EPM2AIP1: variants seen among roughly 807,000 people sequenced by gnomAD.
The protein encoded by EPM2AIP1 is EPM2A interacting protein 1.
Under a neutral mutation model 44.8 loss-of-function variants are expected in EPM2AIP1, and 23 were observed. The observed-to-expected ratio is 0.51, with a 90% CI of 0.37 to 0.73. EPM2AIP1 has a LOEUF of 0.73. Ranked by LOEUF, EPM2AIP1 falls within the 30% of genes least tolerant of loss-of-function variation. EPM2AIP1 has a pLI of 0.00. For missense variants in EPM2AIP1, 652 were observed against 743.9 expected (o/e 0.88, Z 1.44); for synonymous variants, 311 against 284.3 (o/e 1.09, Z -0.94).
rs3172297 is a variant in EPM2AIP1, at chr3:36,990,879, T to A, written c.*375A>T. ...TTAAGGAGTTGATAATTTAAGACTA[T>A]ATGAATCAGAATTTTAACACTCCAT... On this transcript the variant is annotated 3_prime_UTR_variant, in exon 1 of 1. Transcript: ENST00000322716. The A allele has an allele frequency of 1.8e-5, 18 of 993,976 alleles. No individual in the cohort carries two copies. The African/African-American group carries it at 3.0e-4, about 16-fold the overall frequency. The allele number at this position is 993,976 out of a possible 1,614,324, so 61.6% of individuals were successfully genotyped here.
Position 36,991,325 on chromosome 3 carries a change from G to C in EPM2AIP1, c.1753C>G (p.Arg585Gly), listed in dbSNP as rs750898931. ...LTDEHLQALF[R>G]VATTEMEPGW... ...GGCTCCATTTCAGTTGTGGCAACCC[G>C]AAACAGGGCTTGGAGATGCTCATCT... Residue 585 changes from arginine to glycine, a missense_variant, in exon 1 of 1, where the codon CGG becomes GGG. Transcript: ENST00000322716. 1.2e-6 allele frequency: 2 copies of C among 1,613,812 alleles called. No individual in the cohort carries two copies. Among genetic ancestry groups the C allele is most frequent in the Non-Finnish European group, 1.7e-6 (2 of 1,179,842 alleles).
In EPM2AIP1 at chr3:36,987,657, T is replaced by G. The variant is rs1471440928; in HGVS notation, c.*3597A>C. On this transcript the variant is annotated 3_prime_UTR_variant, in exon 1 of 1. Transcript: ENST00000322716. ...GAGAAAACCACAATTTGTTTAACAG[T>G]CACATAATACATATTTAAGTCACAT... is the stretch of plus-strand genomic sequence containing the variant. 6.6e-6 allele frequency: 1 copy of G among 152,112 alleles called. No individual in the cohort carries two copies. Among genetic ancestry groups the G allele is most frequent in the Non-Finnish European group, 1.5e-5 (1 of 68,004 alleles). The allele number at this position is 152,112 out of a possible 1,614,324, so 9.4% of individuals were successfully genotyped here.
At position 36,990,554 on chromosome 3, in the gene EPM2AIP1, C is replaced by T. The variant is rs1437771341; in HGVS notation, c.*700G>A. Reference sequence around the variant, plus strand: ...AGCCCCCAGTTATTAAAAAAAAAATCCAAGGAAAACCCCCAATAATTAGTC... The same window carrying T: ...AGCCCCCAGTTATTAAAAAAAAAATTCAAGGAAAACCCCCAATAATTAGTC... On this transcript the variant is annotated 3_prime_UTR_variant, in exon 1 of 1. Coordinates refer to ENST00000322716, the MANE Select transcript of EPM2AIP1 (RefSeq NM_014805.4). 6 of 984,876 alleles carry T rather than the reference C, an allele frequency of 6.1e-6. No individual in the cohort carries two copies. Among genetic ancestry groups the T allele is most frequent in the Admixed American group, 6.2e-5 (1 of 16,206 alleles). The allele number at this position is 984,876 out of a possible 1,614,324, so 61.0% of individuals were successfully genotyped here.
At position 36,993,064 on chromosome 3, in the gene EPM2AIP1, G is replaced by A; in HGVS notation, c.14C>T (p.Pro5Leu). The A allele has an allele frequency of 6.2e-7, 1 of 1,605,274 alleles. No homozygotes were observed. The highest frequency in any genetic ancestry group is 1.1e-5 in the South Asian group (1 of 90,768). Residue 5 changes from proline (P) to leucine (L), a missense_variant, in exon 1 of 1, where the codon CCC becomes CTC. Physicochemically the swap from Pro to Leu is moderately conservative, Grantham distance 98. Transcript: ENST00000322716. MWMT[P>L]KRSKMEVDEA... ...GTCGACTTCCATCTTGCTTCTTTTGGGCGTCATCCACATTCTGCGGGAGGC... is the reference window on the plus strand; with the variant it reads ...GTCGACTTCCATCTTGCTTCTTTTGAGCGTCATCCACATTCTGCGGGAGGC...
Position 36,990,381 on chromosome 3 carries a change from A to G in EPM2AIP1, c.*873T>C. The G allele has an allele frequency of 1.0e-6, 1 of 981,554 alleles. No individual in the cohort carries two copies. The highest frequency in any genetic ancestry group is 1.2e-6 in the Non-Finnish European group (1 of 826,414). The allele number at this position is 981,554 out of a possible 1,614,324, so 60.8% of individuals were successfully genotyped here. On this transcript the variant is annotated 3_prime_UTR_variant, in exon 1 of 1. Transcript: ENST00000322716. ...AAAGCTAAAATATCTCACACCTCCTAATCCTGGAGTGCAATCTTTTTTCCT... is the reference window on the plus strand; with the variant it reads ...AAAGCTAAAATATCTCACACCTCCTGATCCTGGAGTGCAATCTTTTTTCCT...
Position 36,990,384 on chromosome 3 carries a change from C to G in EPM2AIP1, c.*870G>C, listed in dbSNP as rs915238742. On this transcript the variant is annotated 3_prime_UTR_variant, in exon 1 of 1. Transcript: ENST00000322716. Reference sequence around the variant, plus strand: ...GCTAAAATATCTCACACCTCCTAATCCTGGAGTGCAATCTTTTTTCCTCAT... The same window carrying G: ...GCTAAAATATCTCACACCTCCTAATGCTGGAGTGCAATCTTTTTTCCTCAT... The G allele has an allele frequency of 3.1e-6, 3 of 982,406 alleles. No individual in the cohort carries two copies. The African/African-American group carries it at 5.3e-5, about 17-fold the overall frequency. The allele number at this position is 982,406 out of a possible 1,614,324, so 60.9% of individuals were successfully genotyped here.
In EPM2AIP1 at chr3:36,987,921, A is replaced by G. The variant is rs1043959757; in HGVS notation, c.*3333T>C. 2.0e-5 allele frequency: 3 copies of G among 152,256 alleles called. No homozygotes were observed. The highest frequency in any genetic ancestry group is 6.5e-5 in the Admixed American group (1 of 15,286). 9.4% of individuals were successfully genotyped at this position (152,256 alleles called of 1,614,324 possible). Reference sequence around the variant, plus strand: ...AGGCATTGTGCTAAGCACTAGAGATATAACAGTGAACAAGGCTTATATGGT... The same window carrying G: ...AGGCATTGTGCTAAGCACTAGAGATGTAACAGTGAACAAGGCTTATATGGT... On this transcript the variant is annotated 3_prime_UTR_variant, in exon 1 of 1. Coordinates refer to ENST00000322716, the MANE Select transcript of EPM2AIP1 (RefSeq NM_014805.4).
Position 36,992,007 on chromosome 3 carries a change from T to G in EPM2AIP1, c.1071A>C (p.Glu357Asp). 1.9e-6 allele frequency: 3 copies of G among 1,613,966 alleles called. No individual in the cohort carries two copies. Among genetic ancestry groups the G allele is most frequent in the Non-Finnish European group, 2.5e-6 (3 of 1,179,886 alleles). ...TLKLIFSLRK[E>D]MEAFLVSVGA... is the part of the protein sequence containing the mutation. ...CTACTGAAACCAAGAACGCTTCCAT[T>G]TCTTTTCTTAGAGAGAATATTAGTT... The change falls in exon 1 of 1, where the codon GAA becomes GAC. Residue 357 changes from glutamate (E) to aspartate (D), a missense_variant. Physicochemically the swap from Glu to Asp is conservative, Grantham distance 45 (BLOSUM62 2). Coordinates refer to ENST00000322716, the MANE Select transcript of EPM2AIP1 (RefSeq NM_014805.4). The surrounding 1 kb of genome is among the most constrained non-coding windows in gnomAD (Gnocchi z 5.3).
Position 36,990,738 on chromosome 3 carries a change from A to G in EPM2AIP1, c.*516T>C. On this transcript the variant is annotated 3_prime_UTR_variant, in exon 1 of 1. Transcript: ENST00000322716. ...TTCGAACTCAGAAATGTTTAAAAAA[A>G]AGTCTCAAACATTTTGATGGTTAGA... is the stretch of plus-strand genomic sequence containing the variant. 1 of 985,686 alleles carries G rather than the reference A, an allele frequency of 1.0e-6. No individual in the cohort carries two copies. The highest frequency in any genetic ancestry group is 1.7e-5 in the African/African-American group (1 of 57,366). The allele number at this position is 985,686 out of a possible 1,614,324, so 61.1% of individuals were successfully genotyped here. A position where few individuals can be genotyped will look rare whatever the true frequency, so the allele number is the denominator to read the frequency against.
rs1229851404 is a variant in EPM2AIP1, at chr3:36,992,606, C to T, written c.472G>A (p.Asp158Asn). Residue 158 changes from aspartate (D) to asparagine (N), a missense_variant, in exon 1 of 1, where the codon GAC becomes AAC. By Grantham distance (23) the Asp-to-Asn change is conservative (BLOSUM62 1). Transcript: ENST00000322716. This position sits in a 1 kb window ranked among gnomAD's most constrained non-coding sequence, Gnocchi z 5.3. ...AAAAGCTGGTTGCGTAGATTCCTGT[C>T]AATGCTCAGGATCCTCTGCCTTGTG... ...DITRQRILSI[D>N]RNLRNQLFNR... 3.7e-6 allele frequency: 6 copies of T among 1,613,930 alleles called. No homozygotes were observed. In the Admixed American group the frequency reaches 1.0e-4, roughly 27 times the overall value.
Position 36,990,957 on chromosome 3 carries a change from G to T in EPM2AIP1, c.*297C>A. On this transcript the variant is annotated 3_prime_UTR_variant, in exon 1 of 1. Coordinates refer to ENST00000322716, the MANE Select transcript of EPM2AIP1 (RefSeq NM_014805.4). ...TTATCTTCAGAACACCTAAAAAACAGACTGCAAATTCAACTCACATTAATA... is the reference window on the plus strand; with the variant it reads ...TTATCTTCAGAACACCTAAAAAACATACTGCAAATTCAACTCACATTAATA... 9.5e-7 allele frequency: 1 copy of T among 1,048,072 alleles called. No homozygotes were observed. 64.9% of individuals were successfully genotyped at this position (1,048,072 alleles called of 1,614,324 possible). A position where few individuals can be genotyped will look rare whatever the true frequency, so the allele number is the denominator to read the frequency against.
chr3:36,993,021 C>T lies in EPM2AIP1; in HGVS notation c.57G>A (p.Arg19=), dbSNP rs1255662640. Residue 19 remains arginine (R), a synonymous_variant, in exon 1 of 1, where the codon CGG becomes CGA. Coordinates refer to ENST00000322716, the MANE Select transcript of EPM2AIP1 (RefSeq NM_014805.4). ...KMEVDEALVF[R]PEWTQRYLVV... is the part of the protein sequence containing the mutation. ...CCAAATAACGCTGGGTCCACTCGGGCCGGAAAACTAGAGCCTCGTCGACTT... is the reference window on the plus strand; with the variant it reads ...CCAAATAACGCTGGGTCCACTCGGGTCGGAAAACTAGAGCCTCGTCGACTT... 1 of 1,612,198 alleles carries T rather than the reference C, an allele frequency of 6.2e-7. No homozygotes were observed. The highest frequency in any genetic ancestry group is 8.5e-7 in the Non-Finnish European group (1 of 1,179,266).
At position 36,992,189 on chromosome 3, in the gene EPM2AIP1, T is replaced by G. The variant is rs2080822509; in HGVS notation, c.889A>C (p.Ile297Leu). 6.2e-7 allele frequency: 1 copy of G among 1,613,940 alleles called. No individual in the cohort carries two copies. The highest frequency in any genetic ancestry group is 2.2e-5 in the East Asian group (1 of 44,902). The change falls in exon 1 of 1, where the codon ATC (isoleucine) becomes CTC (leucine). Residue 297 changes from isoleucine (I) to leucine (L), a missense_variant. Physicochemically the swap from Ile to Leu is conservative, Grantham distance 5. Transcript: ENST00000322716. This position sits in a 1 kb window ranked among gnomAD's most constrained non-coding sequence, Gnocchi z 5.3. Reference sequence around the variant, plus strand: ...ATCCATTCGGATATGGTATTTATGATCTGATTAACATCTACATCATAGGAG... The same window carrying G: ...ATCCATTCGGATATGGTATTTATGAGCTGATTAACATCTACATCATAGGAG... ...LSSYDVDVNQIINTISEWIVL... is the reference protein window; with the variant it reads ...LSSYDVDVNQLINTISEWIVL...
In EPM2AIP1 at chr3:36,985,624, G is replaced by A. The variant is rs1030260482; in HGVS notation, c.*5630C>T. ...ATGAAAGTCCTTTAAGAGTCCTTAA[G>A]TGATTTGCCATACTCTTTTTTCATT... On this transcript the variant is annotated 3_prime_UTR_variant, in exon 1 of 1. Transcript: ENST00000322716. The A allele has an allele frequency of 2.6e-5, 4 of 152,202 alleles. No individual in the cohort carries two copies. Among genetic ancestry groups the A allele is most frequent in the Non-Finnish European group, 5.9e-5 (4 of 68,040 alleles). 9.4% of individuals were successfully genotyped at this position (152,202 alleles called of 1,614,324 possible).
chr3:36,990,568 CAATA>C lies in EPM2AIP1; in HGVS notation c.*682_*685del. Reference sequence around the variant, plus strand: ...AAAAAAAAAATCCAAGGAAAACCCCCAATAATTAGTCTTATCTCCAAATTGCATG... The same window carrying C: ...AAAAAAAAAATCCAAGGAAAACCCCCATTAGTCTTATCTCCAAATTGCATG... On this transcript the variant is annotated 3_prime_UTR_variant, in exon 1 of 1. Coordinates refer to ENST00000322716, the MANE Select transcript of EPM2AIP1 (RefSeq NM_014805.4). 1 of 985,406 alleles carries C rather than the reference CAATA, an allele frequency of 1.0e-6. No homozygotes were observed. 61.0% of individuals were successfully genotyped at this position (985,406 alleles called of 1,614,324 possible).
Position 36,985,709 on chromosome 3 carries a change from T to C in EPM2AIP1, c.*5545A>G, listed in dbSNP as rs1471025003. Reference sequence around the variant, plus strand: ...TGCTTTGTCAGCCTGAGACCCAGAATGAAGGCAACTTAGAGCACAAATTGG... The same window carrying C: ...TGCTTTGTCAGCCTGAGACCCAGAACGAAGGCAACTTAGAGCACAAATTGG... On this transcript the variant is annotated 3_prime_UTR_variant, in exon 1 of 1. Transcript: ENST00000322716. 6.6e-6 allele frequency: 1 copy of C among 152,232 alleles called. No homozygotes were observed. The highest frequency in any genetic ancestry group is 1.5e-5 in the Non-Finnish European group (1 of 68,042). The allele number at this position is 152,232 out of a possible 1,614,324, so 9.4% of individuals were successfully genotyped here.
At position 36,992,700 on chromosome 3, in the gene EPM2AIP1, C is replaced by T. The variant is rs1199566822; in HGVS notation, c.378G>A (p.Glu126=). 7 of 1,613,880 alleles carry T rather than the reference C, an allele frequency of 4.3e-6. No homozygotes were observed. Among genetic ancestry groups the T allele is most frequent in the Non-Finnish European group, 4.2e-6 (5 of 1,179,898 alleles). ...CGGGCAGTACCTCTCTCAGCAACAC[C>T]TCCATGCACTGGTATACAAAGTCCC... ...GEGDFVYQCM[E]VLLREVLPEH... Residue 126 remains glutamate, a synonymous_variant, in exon 1 of 1, where the codon GAG becomes GAA. Coordinates refer to ENST00000322716, the MANE Select transcript of EPM2AIP1 (RefSeq NM_014805.4). The surrounding 1 kb of genome is among the most constrained non-coding windows in gnomAD (Gnocchi z 5.3).
In EPM2AIP1 at chr3:36,992,076, A is replaced by G. The variant is rs1043950209; in HGVS notation, c.1002T>C (p.Asn334=). 3 of 1,613,956 alleles carry G rather than the reference A, an allele frequency of 1.9e-6. No homozygotes were observed. In the Admixed American group the frequency reaches 5.0e-5, roughly 27 times the overall value. Residue 334 remains asparagine (N), a synonymous_variant, in exon 1 of 1, where the codon AAT becomes AAC. Transcript: ENST00000322716. The surrounding 1 kb of genome is among the most constrained non-coding windows in gnomAD (Gnocchi z 5.3). The part of the protein sequence containing the change: ...ESESEHGERV[N]GRCLNNWLRR... Reference sequence around the variant, plus strand: ...TAAGCCAATTGTTCAGACATCGTCCATTAACCCTTTCACCATGCTCTGATT... The same window carrying G: ...TAAGCCAATTGTTCAGACATCGTCCGTTAACCCTTTCACCATGCTCTGATT...
chr3:36,988,072 G>A lies in EPM2AIP1; in HGVS notation c.*3182C>T, dbSNP rs920475348. ...GGATAGTAAGGGCACCTAATCTAGA[G>A]GGCATCAATGAAGGTTTCCTAGATG... On this transcript the variant is annotated 3_prime_UTR_variant, in exon 1 of 1. Transcript: ENST00000322716. 2 of 152,282 alleles carry A rather than the reference G, an allele frequency of 1.3e-5. No homozygotes were observed. The highest frequency in any genetic ancestry group is 2.1e-4 in the South Asian group (1 of 4,832). 9.4% of individuals were successfully genotyped at this position (152,282 alleles called of 1,614,324 possible). A position where few individuals can be genotyped will look rare whatever the true frequency, so the allele number is the denominator to read the frequency against.
Sources: gnomAD v4.1 joint callset for allele counts on GRCh38, gnomAD v4.1.1 for gene constraint, Gnocchi (gnomAD v3.1) non-coding constraint, MANE v1.5 for transcripts, NCBI Gene and HGNC (gene_info 2026-07-23, HGNC 2026-07-21) for gene names.